The following MED1 variants were observed in gnomAD, a reference collection of about 807,000 sequenced individuals.
MED1 encodes mediator of RNA polymerase II transcription subunit 1.
In MED1, 17 loss-of-function variants were observed where a neutral mutation model predicts 121.3. The observed-to-expected ratio is 0.14, with a 90% confidence interval of 0.10 to 0.21. MED1 has a LOEUF of 0.21. Among genes scored for constraint, MED1 ranks in the 10% least tolerant of loss-of-function variants. MED1 has a pLI of 1.00. For synonymous variants in MED1, 661 were observed against 694.4 expected (o/e 0.95, Z 0.76); for missense variants, 1,558 against 1,919.4 (o/e 0.81, Z 3.52).
rs139581062 is a variant in MED1, at chr17:39,409,734, G to A, written c.2487C>T (p.Asn829=). ...TLFDSDVFQT[N]NNENPYTDPA... is the part of the protein sequence containing the mutation. The stretch of plus-strand genomic sequence containing the variant: ...GATCAGTGTATGGATTTTCATTATT[G>A]TTAGTTTGAAAGACATCAGAGTCAA... Residue 829 remains asparagine, a synonymous_variant, in exon 17 of 17, where the codon AAC becomes AAT. Coordinates refer to ENST00000300651, the MANE Select transcript of MED1 (RefSeq NM_004774.4). The A allele has an allele frequency of 1.9e-6, 3 of 1,614,006 alleles. No homozygotes were observed. The African/African-American group carries it at 4.0e-5, about 22-fold the overall frequency.
At chr17:39,450,188 G>C (rs375066081) in intron 1 of MED1, among the ~76,000 whole-genome samples, 2 of 151,972 alleles carry the variant, frequency 1.3e-5, no homozygotes, top group Non-Finnish European at 2.9e-5. Flanking sequence ...GGGCTCCAGG[G>C]ATCCTCCAGC....
At chr17:39,435,434 T>G (rs2048609291) in intron 6 of MED1, among the ~76,000 whole-genome samples, 1 of 151,956 alleles carries the variant, frequency 6.6e-6, no homozygotes, top group African/African-American at 2.4e-5. Flanking sequence ...TGGATAGGTT[T>G]AGGAATCCAA....
chr17:39,448,866 G>A (rs956753208), intron 1 of MED1, among the ~76,000 whole-genome samples: 7 of 152,112 alleles, frequency 4.6e-5, no homozygotes, highest in East Asian at 3.9e-4. Flanking sequence ...CCCAGATTGC[G>A]CCACTGCACT....
At position 39,409,931 on chromosome 17, in the gene MED1, G is replaced by C; in HGVS notation, c.2290C>G (p.Gln764Glu). The C allele has an allele frequency of 6.2e-7, 1 of 1,614,166 alleles. No homozygotes were observed. The highest frequency in any genetic ancestry group is 1.1e-5 in the South Asian group (1 of 91,078). Residue 764 changes from glutamine (Q) to glutamate (E), a missense_variant, in exon 17 of 17, where the codon CAA (glutamine) becomes GAA (glutamate). This residue lies in a region of MED1 where 793 missense variants were observed against 898.2 expected (regional missense o/e 0.88). Transcript: ENST00000300651. ...GAACTGGATAGTCGGACCATCCTTT[G>C]AATACTGGGTTGGGGGTGAGGTACT... The part of the protein sequence containing the change: ...QPVPHPQPSI[Q>E]RMVRLSSSDS...
At chr17:39,445,834 G>A (rs967498460) in intron 2 of MED1, among the ~76,000 whole-genome samples, 1 of 151,340 alleles carries the variant, frequency 6.6e-6, no homozygotes, top group Non-Finnish European at 1.5e-5. Context: ...TTCAAGACCA[G>A]CCTGGCTAAC....
In MED1 at chr17:39,407,748, T is replaced by C. The variant is rs1302829454; in HGVS notation, c.4473A>G (p.Glu1491=). 4 of 1,614,084 alleles carry C rather than the reference T, an allele frequency of 2.5e-6. No homozygotes were observed. In the Admixed American group the frequency reaches 5.0e-5, roughly 20 times the overall value. The change falls in exon 17 of 17, where the codon GAA becomes GAG. Residue 1491 remains glutamate (E), a synonymous_variant. Transcript: ENST00000300651. ...GCTTCTTATGTTTCTCTGTGCTGTA[T>C]TCTGGAAGTGGTCGGATACCATCGT... The part of the protein sequence containing the change: ...SSDDGIRPLP[E]YSTEKHKKHK...
At position 39,407,120 on chromosome 17, in the gene MED1, TA is replaced by T. The variant is rs1419044007; in HGVS notation, c.*354del. 9.9e-7 allele frequency: 1 copy of T among 1,007,760 alleles called. No homozygotes were observed. Among genetic ancestry groups the T allele is most frequent in the Non-Finnish European group, 1.2e-6 (1 of 844,568 alleles). 62.4% of individuals were successfully genotyped at this position (1,007,760 alleles called of 1,614,324 possible). ...ACTAAAATGAGTTTAAAACATGGCC[TA>T]AAAATGGAAAAAGGGAGAAGAAAAT... On this transcript the variant is annotated 3_prime_UTR_variant, in exon 17 of 17. Coordinates refer to ENST00000300651, the MANE Select transcript of MED1 (RefSeq NM_004774.4).
Position 39,409,305 on chromosome 17 carries a change from T to C in MED1, c.2916A>G (p.Val972=), listed in dbSNP as rs555852978. Residue 972 remains valine (V), a synonymous_variant, in exon 17 of 17, where the codon GTA becomes GTG. Coordinates refer to ENST00000300651, the MANE Select transcript of MED1 (RefSeq NM_004774.4). ...TATTACTGGTGCCATTGCCTTCCTT[T>C]ACCCTCTTTTGAGTCTTTTCTTTCC... ...DLGKEKTQKR[V]KEGNGTSNST... The C allele has an allele frequency of 3.6e-5, 58 of 1,614,156 alleles. No individual in the cohort carries two copies. In the African/African-American group the frequency reaches 7.3e-4, roughly 20 times the overall value.
Position 39,405,847 on chromosome 17 carries a change from A to C in MED1, c.*1628T>G. On this transcript the variant is annotated 3_prime_UTR_variant, in exon 17 of 17. Coordinates refer to ENST00000300651, the MANE Select transcript of MED1 (RefSeq NM_004774.4). ...ACCTGCAGAAAAAGCTGAATATAGA[A>C]ATCTTCTTCCATATATGATGAAGTC... is the stretch of plus-strand genomic sequence containing the variant. The C allele has an allele frequency of 1.0e-6, 1 of 985,828 alleles. No homozygotes were observed. Among genetic ancestry groups the C allele is most frequent in the Non-Finnish European group, 1.2e-6 (1 of 830,200 alleles). The allele number at this position is 985,828 out of a possible 1,614,324, so 61.1% of individuals were successfully genotyped here. A position where few individuals can be genotyped will look rare whatever the true frequency, so the allele number is the denominator to read the frequency against.
chr17:39,425,910 T>C (rs777057283), intron 10 of MED1, among the ~76,000 whole-genome samples: 20 of 152,248 alleles, frequency 1.3e-4, no homozygotes, highest in South Asian at 1.0e-3. Context: ...AAAACATCAT[T>C]TTTGAAGGGT....
chr17:39,436,065 CCAT>C (rs1454076683), intron 6 of MED1, among the ~76,000 whole-genome samples: 1 of 151,684 alleles, frequency 6.6e-6, no homozygotes, highest in African/African-American at 2.4e-5. Flanking sequence ...GAGTGACACA[CCAT>C]CTCGAAAAAA....
intron 7 of MED1, among the ~76,000 whole-genome samples, chr17:39,433,645 C>T (rs1597868179): frequency 6.6e-6 from 1 of 151,802 alleles, no homozygotes; most frequent in Non-Finnish European, 1.5e-5. Context: ...CCTCAAACTA[C>T]TAGTTTGAAG....
chr17:39,444,061 G>T (rs1452564233), intron 2 of MED1, among the ~76,000 whole-genome samples: 1 of 152,148 alleles, frequency 6.6e-6, no homozygotes, highest in Non-Finnish European at 1.5e-5. Flanking sequence ...TAATACATGA[G>T]ATCTGCCGCC....
intron 7 of MED1, among the ~76,000 whole-genome samples, chr17:39,433,970 A>G (rs1290341742): frequency 6.6e-6 from 1 of 152,228 alleles, no homozygotes; most frequent in Non-Finnish European, 1.5e-5. Flanking sequence ...AATTAAAGCC[A>G]GTTCCACAGC....
At chr17:39,442,151 G>T (rs1410879757) in intron 3 of MED1, among the ~76,000 whole-genome samples, 1 of 150,874 alleles carries the variant, frequency 6.6e-6, no homozygotes. Context: ...ATTTCTGGTG[G>T]ATCACAGTAA....
At chr17:39,427,827 G>A in intron 9 of MED1, 37 bp from the exon 10 acceptor site, 4 of 1,272,228 alleles carry the variant, frequency 3.1e-6, no homozygotes, top group East Asian at 2.3e-5. Context: ...ATCTTTATCA[G>A]GTAAATTACA....
rs1422460142 is a variant in MED1 at position 39,443,590 on chromosome 17, AT to A, written c.170del (p.His57LeufsTer15). On this transcript the variant is annotated frameshift_variant, in exon 3 of 17. Transcript: ENST00000300651. LOFTEE classifies it high-confidence loss of function. ...RVVMSSGGHQ[H>X]LVSCLETLQK... ...GCAATGTCTCCAAACAGCTGACCAA[AT>A]GTTGATGCCCTCCAGAACTCATCAC... is the stretch of plus-strand genomic sequence containing the variant. 6.2e-7 allele frequency: 1 copy of A among 1,613,902 alleles called. No homozygotes were observed.
intron 6 of MED1, among the ~76,000 whole-genome samples, chr17:39,435,266 G>C (rs1488194170): frequency 6.6e-6 from 1 of 152,100 alleles, no homozygotes; most frequent in East Asian, 1.9e-4. Context: ...CAGAGATGGA[G>C]ACCCAGAGAA....
At position 39,440,304 on chromosome 17, in the gene MED1, A is replaced by G; in HGVS notation, c.399+82T>C. 7.1e-7 allele frequency: 1 copy of G among 1,413,976 alleles called. No homozygotes were observed. The highest frequency in any genetic ancestry group is 1.5e-5 in the South Asian group (1 of 66,532). The allele number at this position is 1,413,976 out of a possible 1,614,324, so 87.6% of individuals were successfully genotyped here. On this transcript the variant is annotated intron_variant, in intron 5 of 16. Transcript: ENST00000300651. The surrounding 1 kb of genome is among the most constrained non-coding windows in gnomAD (Gnocchi z 4.1). The stretch of plus-strand genomic sequence containing the variant: ...TCATGGAAAAACCTAAACCCAAGCT[A>G]TTTAAACCCCAACAATTAATTTTAA...
Sources: allele counts gnomAD v4.1 joint callset (sites outside exome capture counted in the v4.1 genomes callset), GRCh38; gene constraint gnomAD v4.1.1; regional missense constraint gnomAD v4.1.1; non-coding constraint Gnocchi (gnomAD v3.1); transcripts MANE v1.5; gene names NCBI Gene and HGNC (gene_info 2026-07-23, HGNC 2026-07-21).